IGF2BP1: variants seen among roughly 807,000 people sequenced by gnomAD.
IGF2BP1 encodes the protein insulin-like growth factor 2 mRNA-binding protein 1.
In IGF2BP1, 11 loss-of-function variants were observed where a neutral mutation model predicts 74.9. The ratio of observed to expected loss-of-function variants is 0.15; its 90% CI spans 0.09 to 0.24. IGF2BP1 has a LOEUF of 0.24. IGF2BP1 is among the 10% of genes least tolerant of loss of function. The pLI, the probability that IGF2BP1 is intolerant of heterozygous loss-of-function variation, is 1.00. For missense variants in IGF2BP1, 440 were observed against 757.4 expected (o/e 0.58, Z 4.92); for synonymous variants, 287 against 281.8 (o/e 1.02, Z -0.18).
In IGF2BP1 at chr17:49,053,369, G is replaced by A. The variant is rs1291370311; in HGVS notation, c.*3925G>A. On this transcript the variant is annotated 3_prime_UTR_variant, in exon 15 of 15. Transcript: ENST00000290341. ...ACATACCTGGCTGTCTGAGGAGGAAGGCCTCCTGGAAACTGGGAGCTAAGG... is the reference window on the plus strand; with the variant it reads ...ACATACCTGGCTGTCTGAGGAGGAAAGCCTCCTGGAAACTGGGAGCTAAGG... The A allele has an allele frequency of 1.3e-5, 2 of 152,728 alleles. No homozygotes were observed. Among genetic ancestry groups the A allele is most frequent in the African/African-American group, 4.8e-5 (2 of 41,454 alleles). 9.5% of individuals were successfully genotyped at this position (152,728 alleles called of 1,614,324 possible).
At position 49,038,263 on chromosome 17, in the gene IGF2BP1, G is replaced by A. The variant is rs767875851; in HGVS notation, c.497G>A (p.Gly166Glu). Residue 166 changes from glycine (G) to glutamate (E), a missense_variant, in exon 6 of 15, where the codon GGG (glycine) becomes GAG (glutamate). Transcript: ENST00000290341. ...CAGATAGCACAGGGACCTGAGAATGGGCGCCGAGGGGGCTTTGGCTCTCGG... is the reference window on the plus strand; with the variant it reads ...CAGATAGCACAGGGACCTGAGAATGAGCGCCGAGGGGGCTTTGGCTCTCGG... ...DEQIAQGPENGRRGGFGSRGQ... is the reference protein window; with the variant it reads ...DEQIAQGPENERRGGFGSRGQ... The A allele has an allele frequency of 2.5e-6, 4 of 1,598,988 alleles. No individual in the cohort carries two copies. In the South Asian group the frequency reaches 4.5e-5, roughly 18 times the overall value.
intron 2 of IGF2BP1, among the ~76,000 whole-genome samples, chr17:49,021,922 T>A (rs1265414148): frequency 2.0e-5 from 3 of 152,158 alleles, no homozygotes; most frequent in Non-Finnish European, 4.4e-5. Flanking sequence ...TAGGCAGTGG[T>A]ATTTTTCACT....
At chr17:49,029,510 G>T (rs1260047087) in intron 4 of IGF2BP1, among the ~76,000 whole-genome samples, 1 of 152,226 alleles carries the variant, frequency 6.6e-6, no homozygotes, top group Non-Finnish European at 1.5e-5. Flanking sequence ...TCTGTCCTCA[G>T]TGTTGTGGGG....
At chr17:49,017,641 C>G (rs1466054054) in intron 2 of IGF2BP1, among the ~76,000 whole-genome samples, 1 of 152,134 alleles carries the variant, frequency 6.6e-6, no homozygotes, top group African/African-American at 2.4e-5. Flanking sequence ...CAGAGTCTCA[C>G]TCTGTTGCTC....
At position 49,056,017 on chromosome 17, in the gene IGF2BP1, T is replaced by C. The variant is rs967339089; in HGVS notation, c.*6573T>C. Among the ~76,000 whole-genome samples the C allele has an allele frequency of 5.9e-5, 9 of 152,024 alleles. No individual in the cohort carries two copies. Among genetic ancestry groups the C allele is most frequent in the Non-Finnish European group, 1.3e-4 (9 of 67,998 alleles). ...GGAGGTGGGGCAGCTGGCTCACACG[T>C]TGGAGTTTGTTCTTTGATGGATGAA... is the stretch of plus-strand genomic sequence containing the variant. On this transcript the variant is annotated 3_prime_UTR_variant, in exon 15 of 15. Transcript: ENST00000290341.
rs1054349671 is a variant in IGF2BP1, at chr17:49,050,306, G to A, written c.*862G>A. 1 of 152,594 alleles carries A rather than the reference G, an allele frequency of 6.6e-6. No individual in the cohort carries two copies. The highest frequency in any genetic ancestry group is 2.4e-5 in the African/African-American group (1 of 41,412). The allele number at this position is 152,594 out of a possible 1,614,324, so 9.5% of individuals were successfully genotyped here. Reference sequence around the variant, plus strand: ...CTCAGCAGGGTAGGGGCTGACCACTGTCCCTGATTCCCATCGTTCTCAGGC... The same window carrying A: ...CTCAGCAGGGTAGGGGCTGACCACTATCCCTGATTCCCATCGTTCTCAGGC... On this transcript the variant is annotated 3_prime_UTR_variant, in exon 15 of 15. Transcript: ENST00000290341.
chr17:49,049,449 C>G lies in IGF2BP1; in HGVS notation c.*5C>G. ...GCCCAGGCACGGAGGAAGTGACCAG[C>G]CCCTCCCTGTCCCTTCGAGTCCAGG... is the stretch of plus-strand genomic sequence containing the variant. On this transcript the variant is annotated 3_prime_UTR_variant, in exon 15 of 15. Transcript: ENST00000290341. The G allele has an allele frequency of 1.2e-6, 2 of 1,611,666 alleles. No homozygotes were observed. Among genetic ancestry groups the G allele is most frequent in the Non-Finnish European group, 1.7e-6 (2 of 1,177,864 alleles).
At chr17:49,048,897 C>G (rs2042135523) in intron 14 of IGF2BP1, among the ~76,000 whole-genome samples, 1 of 151,960 alleles carries the variant, frequency 6.6e-6, no homozygotes, top group Admixed American at 6.6e-5. Flanking sequence ...ACTTCCCCAC[C>G]CCCACCTCCA....
At chr17:49,002,207 A>G (rs1056809654) in intron 2 of IGF2BP1, among the ~76,000 whole-genome samples, 1 of 152,136 alleles carries the variant, frequency 6.6e-6, no homozygotes, top group African/African-American at 2.4e-5. Context: ...AGTTTTATAA[A>G]TCGTTCATAA....
At position 49,042,256 on chromosome 17, in the gene IGF2BP1, C is replaced by G; in HGVS notation, c.956C>G (p.Thr319Ser). 1 of 1,614,184 alleles carries G rather than the reference C, an allele frequency of 6.2e-7. No homozygotes were observed. The highest frequency in any genetic ancestry group is 8.5e-7 in the Non-Finnish European group (1 of 1,180,028). ...KITISSLQDL[T>S]LYNPERTITV... ...CTTTCTGCCAGGTTGCAAGACCTTA[C>G]CCTTTACAACCCTGAGAGGACCATC... Residue 319 changes from threonine to serine, a missense_variant, in exon 9 of 15, where the codon ACC becomes AGC. Coordinates refer to ENST00000290341, the MANE Select transcript of IGF2BP1 (RefSeq NM_006546.4).
intron 5 of IGF2BP1, among the ~76,000 whole-genome samples, chr17:49,035,017 TC>T (rs1301989071): frequency 1.3e-5 from 2 of 152,190 alleles, no homozygotes; most frequent in African/African-American, 4.8e-5. Flanking sequence ...AGAATTAAAC[TC>T]CCGAATTTTA....
chr17:49,041,279 T>C (rs1252943453), intron 7 of IGF2BP1, 99 bp from the exon 8 acceptor site: 2 of 1,362,000 alleles, frequency 1.5e-6, no homozygotes, highest in African/African-American at 1.5e-5. Context: ...GATGTTTTAC[T>C]TGGAAATGCC....
chr17:49,045,882 C>A lies in IGF2BP1; in HGVS notation c.1396-8C>A. The A allele has an allele frequency of 6.2e-7, 1 of 1,613,138 alleles. No homozygotes were observed. The highest frequency in any genetic ancestry group is 8.5e-7 in the Non-Finnish European group (1 of 1,179,538). Reference sequence around the variant, plus strand: ...AACCACTGATTAACAATTACCTCCTCTTCTCAGGCTCAGGGAAGAATCTAT... The same window carrying A: ...AACCACTGATTAACAATTACCTCCTATTCTCAGGCTCAGGGAAGAATCTAT... On this transcript the variant is annotated splice_polypyrimidine_tract_variant and splice_region_variant and intron_variant, in intron 12 of 14. Transcript: ENST00000290341.
At chr17:49,021,257 A>G (rs867297260) in intron 2 of IGF2BP1, among the ~76,000 whole-genome samples, 2 of 152,066 alleles carry the variant, frequency 1.3e-5, no homozygotes, top group African/African-American at 2.4e-5. Context: ...GAGAACTCTC[A>G]GCCCAGGGAG....
At chr17:49,041,658 T>A (rs897627944) in intron 8 of IGF2BP1, among the ~76,000 whole-genome samples, 158 bp downstream of exon 8, 4 of 152,164 alleles carry the variant, frequency 2.6e-5, no homozygotes, top group African/African-American at 9.7e-5. Context: ...ATTTAAAAAA[T>A]CCCTGTAAGG....
At position 49,051,866 on chromosome 17, in the gene IGF2BP1, C is replaced by T. The variant is rs989668838; in HGVS notation, c.*2422C>T. ...TTTTTGTTATTGTTTCATTTCAGTTCCGTCTTGCTATTCTTCCTAATCTAT... is the reference window on the plus strand; with the variant it reads ...TTTTTGTTATTGTTTCATTTCAGTTTCGTCTTGCTATTCTTCCTAATCTAT... On this transcript the variant is annotated 3_prime_UTR_variant, in exon 15 of 15. Transcript: ENST00000290341. 1.3e-5 allele frequency: 2 copies of T among 151,312 alleles called. No homozygotes were observed. Among genetic ancestry groups the T allele is most frequent in the Admixed American group, 6.6e-5 (1 of 15,172 alleles). The allele number at this position is 151,312 out of a possible 1,614,324, so 9.4% of individuals were successfully genotyped here.
chr17:49,026,512 A>T lies in IGF2BP1; in HGVS notation c.332A>T (p.Glu111Val). 1 of 1,614,048 alleles carries T rather than the reference A, an allele frequency of 6.2e-7. No homozygotes were observed. The highest frequency in any genetic ancestry group is 8.5e-7 in the Non-Finnish European group (1 of 1,179,918). The change falls in exon 4 of 15, where the codon GAG becomes GTG. Residue 111 changes from glutamate (E) to valine (V), a missense_variant. This residue lies in a region of IGF2BP1 where 105 missense variants were observed against 199.4 expected (regional missense o/e 0.53). Transcript: ENST00000290341. ...CAGTATGGTACAGTAGAGAACTGTG[A>T]GCAAGGTAAGAGTGGGCCGGGTGTG... ...LAQYGTVENC[E>V]QVNTESETAV...
chr17:49,021,116 C>G (rs974634804), intron 2 of IGF2BP1, among the ~76,000 whole-genome samples: 30 of 151,840 alleles, frequency 2.0e-4, no homozygotes, highest in Non-Finnish European at 8.8e-5. Context: ...GCACTCCAGC[C>G]TGGATGACAG....
chr17:49,046,149 G>T, intron 13 of IGF2BP1, 111 bp from the exon 14 acceptor site: 1 of 1,448,438 alleles, frequency 6.9e-7, no homozygotes. Context: ...TACTCCCCAA[G>T]CTCAGGTCCT....
Sources: gnomAD v4.1 joint callset for allele counts (sites outside exome capture counted in the v4.1 genomes callset) on GRCh38, gnomAD v4.1.1 for gene constraint, gnomAD v4.1.1 regional missense constraint, MANE v1.5 for transcripts, NCBI Gene and HGNC (gene_info 2026-07-23, HGNC 2026-07-21) for gene names.